LGI3: variants seen among roughly 807,000 people sequenced by gnomAD.
LGI3 encodes leucine rich repeat LGI family member 3.
A neutral mutation model predicts 55.4 loss-of-function variants in LGI3; 47 were observed. That is an observed-to-expected ratio of 0.85 (90% CI 0.67 to 1.08). The LOEUF is 1.08. Ranked by LOEUF, LGI3 falls within the 50% of genes least tolerant of loss-of-function variation. LGI3 has a pLI of 0.00. For synonymous variants in LGI3, 326 were observed against 315.0 expected (o/e 1.04, Z -0.37); for missense variants, 664 against 726.3 (o/e 0.91, Z 0.99).
rs1242067837 is a variant in LGI3, at chr8:22,151,954, A to G, written c.541T>C (p.Leu181=). Residue 181 remains leucine, a synonymous_variant, in exon 6 of 8, where the codon TTG becomes CTG. Coordinates refer to ENST00000306317, the MANE Select transcript of LGI3 (RefSeq NM_139278.4). The part of the protein sequence containing the change: ...SLNCDCKVKW[L]VEWLAHTNTT... ...TTGGTGTGTGCCAGCCACTCCACCA[A>G]CCACTTCACCTTGCAGTCACAGTTG... 1 of 1,612,798 alleles carries G rather than the reference A, an allele frequency of 6.2e-7. No individual in the cohort carries two copies.
rs1827380211 is a variant in LGI3, at chr8:22,151,662, T to C, written c.665-9A>G. ...CTGGTACAACACAAAATCTGCAAGA[T>C]GAGAGGTGCGTTACTGAAGACCAGA... On this transcript the variant is annotated splice_polypyrimidine_tract_variant and intron_variant, in intron 6 of 7. Coordinates refer to ENST00000306317, the MANE Select transcript of LGI3 (RefSeq NM_139278.4). 1 of 1,612,994 alleles carries C rather than the reference T, an allele frequency of 6.2e-7. No homozygotes were observed. The highest frequency in any genetic ancestry group is 8.5e-7 in the Non-Finnish European group (1 of 1,179,372).
At chr8:22,154,710 G>A (rs1379463601) in intron 2 of LGI3, 79 bp from the exon 3 acceptor site, 2 of 1,130,894 alleles carry the variant, frequency 1.8e-6, no homozygotes, top group African/African-American at 3.1e-5. Flanking sequence ...CTCAGCCCTG[G>A]GCTTCCCCAA....
rs1827515395 is a variant in LGI3 at position 22,156,777 on chromosome 8, G to T, written c.-235C>A. ...GGAGCGCGGAGCTGGAGCCGCAGCCGGGGCTGACCGCGCCGGGTGGCTGCG... is the reference window on the plus strand; with the variant it reads ...GGAGCGCGGAGCTGGAGCCGCAGCCTGGGCTGACCGCGCCGGGTGGCTGCG... On this transcript the variant is annotated 5_prime_UTR_variant, in exon 1 of 8. Coordinates refer to ENST00000306317, the MANE Select transcript of LGI3 (RefSeq NM_139278.4). 2 of 170,514 alleles carry T rather than the reference G, an allele frequency of 1.2e-5. No homozygotes were observed. Among genetic ancestry groups the T allele is most frequent in the South Asian group, 1.8e-4 (1 of 5,714 alleles). 10.6% of individuals were successfully genotyped at this position (170,514 alleles called of 1,614,324 possible).
At chr8:22,153,140 A>C (rs995356513) in intron 5 of LGI3, among the ~76,000 whole-genome samples, 1 of 149,194 alleles carries the variant, frequency 6.7e-6, no homozygotes, top group African/African-American at 2.5e-5. Flanking sequence ...GCTGGAGTGC[A>C]ATGGCATGAT....
At chr8:22,152,604 T>C (rs747259448) in intron 5 of LGI3, among the ~76,000 whole-genome samples, 5 of 151,740 alleles carry the variant, frequency 3.3e-5, no homozygotes, top group Non-Finnish European at 5.9e-5. Context: ...TACCCAGGCA[T>C]GGTGGCGCAC....
intron 5 of LGI3, among the ~76,000 whole-genome samples, chr8:22,153,377 A>G (rs1270180831): frequency 1.4e-5 from 2 of 146,314 alleles, no homozygotes; most frequent in South Asian, 2.5e-4. Flanking sequence ...GAGCCACCAC[A>G]CCCAGCCTTT....
In LGI3 at chr8:22,155,447, C is replaced by T. The variant is rs1271907451; in HGVS notation, c.223G>A (p.Ala75Thr). 22 of 1,613,784 alleles carry T rather than the reference C, an allele frequency of 1.4e-5. No individual in the cohort carries two copies. Among genetic ancestry groups the T allele is most frequent in the Non-Finnish European group, 1.9e-5 (22 of 1,179,968 alleles). Reference sequence around the variant, plus strand: ...GCTCCATCCTGGATCTCTGAGAAGGCGGCATTCACCAGGGTCCTGCGGGGA... The same window carrying T: ...GCTCCATCCTGGATCTCTGAGAAGGTGGCATTCACCAGGGTCCTGCGGGGA... ...EVISLTLVNA[A>T]FSEIQDGAFS... The change falls in exon 2 of 8, where the codon GCC becomes ACC. Residue 75 changes from alanine (A) to threonine (T), a missense_variant. Coordinates refer to ENST00000306317, the MANE Select transcript of LGI3 (RefSeq NM_139278.4).
rs566852282 is a variant in LGI3 at position 22,147,885 on chromosome 8, G to C, written c.*275C>G. The C allele has an allele frequency of 2.3e-6, 1 of 441,710 alleles. No homozygotes were observed. Among genetic ancestry groups the C allele is most frequent in the South Asian group, 3.2e-5 (1 of 31,432 alleles). 27.4% of individuals were successfully genotyped at this position (441,710 alleles called of 1,614,324 possible). On this transcript the variant is annotated 3_prime_UTR_variant, in exon 8 of 8. Coordinates refer to ENST00000306317, the MANE Select transcript of LGI3 (RefSeq NM_139278.4). Reference sequence around the variant, plus strand: ...GCATGAGACAGGGGGCAGAGCATGGGAAAGGCTGCAGAGTAGGGGGGGCCT... The same window carrying C: ...GCATGAGACAGGGGGCAGAGCATGGCAAAGGCTGCAGAGTAGGGGGGGCCT...
In LGI3 at chr8:22,148,285, G is replaced by T; in HGVS notation, c.1522C>A (p.Leu508Met). 2 of 1,614,188 alleles carry T rather than the reference G, an allele frequency of 1.2e-6. 1 individual carries two copies. The highest frequency in any genetic ancestry group is 2.2e-5 in the South Asian group (2 of 91,076). Reference protein sequence around the residue: ...GRQKFVRFQELAVQAPRAFCY... With the variant: ...GRQKFVRFQEMAVQAPRAFCY... ...AAGGCCCGAGGAGCCTGCACAGCCA[G>T]CTCCTGGAACCGTACAAACTTCTGT... Residue 508 changes from leucine to methionine, a missense_variant, in exon 8 of 8, where the codon CTG (leucine) becomes ATG (methionine). Coordinates refer to ENST00000306317, the MANE Select transcript of LGI3 (RefSeq NM_139278.4). The surrounding 1 kb of genome is among the most constrained non-coding windows in gnomAD (Gnocchi z 7.0).
intron 2 of LGI3, chr8:22,154,888 C>T: frequency 1.9e-6 from 1 of 524,576 alleles, no homozygotes; most frequent in South Asian, 2.3e-5. Context: ...AGCTCCTGGT[C>T]CTCCCGGGTG....
Position 22,156,643 on chromosome 8 carries a change from C to T in LGI3, c.-101G>A. On this transcript the variant is annotated 5_prime_UTR_variant, in exon 1 of 8. Transcript: ENST00000306317. ...CGGGCTGGCACCTCCCTGCCACCGG[C>T]AGCTGCTACCGCAGCCAGGGGCCCG... 3.2e-6 allele frequency: 1 copy of T among 310,228 alleles called. No individual in the cohort carries two copies. The highest frequency in any genetic ancestry group is 5.5e-6 in the Non-Finnish European group (1 of 180,558). The allele number at this position is 310,228 out of a possible 1,614,324, so 19.2% of individuals were successfully genotyped here.
chr8:22,148,249 G>T lies in LGI3; in HGVS notation c.1558C>A (p.Pro520Thr), dbSNP rs1027221124. Residue 520 changes from proline to threonine, a missense_variant, in exon 8 of 8, where the codon CCT (proline) becomes ACT (threonine). Physicochemically the swap from Pro to Thr is conservative, Grantham distance 38 (BLOSUM62 -1). Transcript: ENST00000306317. The surrounding 1 kb of genome is among the most constrained non-coding windows in gnomAD (Gnocchi z 7.0). Reference protein sequence around the residue: ...VQAPRAFCYMPAGDAQLLLAP... With the variant: ...VQAPRAFCYMTAGDAQLLLAP... ...AGGAGTAGCTGGGCGTCCCCAGCAGGCATGTAGCAGAAGGCCCGAGGAGCC... is the reference window on the plus strand; with the variant it reads ...AGGAGTAGCTGGGCGTCCCCAGCAGTCATGTAGCAGAAGGCCCGAGGAGCC... 1 of 1,614,114 alleles carries T rather than the reference G, an allele frequency of 6.2e-7. No individual in the cohort carries two copies. Among genetic ancestry groups the T allele is most frequent in the African/African-American group, 1.3e-5 (1 of 75,048 alleles).
intron 7 of LGI3, among the ~76,000 whole-genome samples, chr8:22,149,601 G>A (rs1827351935): frequency 6.6e-6 from 1 of 152,138 alleles, no homozygotes; most frequent in African/African-American, 2.4e-5. Flanking sequence ...ATACAAGAAT[G>A]CATGCCCATG....
chr8:22,150,351 A>ATTTTTTTTT (rs61084616), intron 7 of LGI3, among the ~76,000 whole-genome samples: 6 of 72,602 alleles, frequency 8.3e-5, no homozygotes, highest in East Asian at 4.1e-4. Context: ...TAAGCCTTCT[A>ATTTTTTTTT]TTTTTTTTTT....
chr8:22,155,584 T>A, intron 1 of LGI3, 121 bp from the exon 2 acceptor site: 1 of 798,746 alleles, frequency 1.3e-6, no homozygotes. Flanking sequence ...CCATTTCACC[T>A]AATTTAGCCC....
At chr8:22,152,740 CAAAA>C (rs558087211) in intron 5 of LGI3, among the ~76,000 whole-genome samples, 2 of 66,504 alleles carry the variant, frequency 3.0e-5, no homozygotes, top group Non-Finnish European at 3.1e-5. Flanking sequence ...GACTCCGTCT[CAAAA>C]AAAAAAAAAA....
rs756735586 is a variant in LGI3, at chr8:22,155,437, T to C, written c.233A>G (p.Glu78Gly). Residue 78 changes from glutamate to glycine, a missense_variant, in exon 2 of 8, where the codon GAG becomes GGG. Transcript: ENST00000306317. The stretch of plus-strand genomic sequence containing the variant: ...GTGGGAGAACGCTCCATCCTGGATC[T>C]CTGAGAAGGCGGCATTCACCAGGGT... ...SLTLVNAAFS[E>G]IQDGAFSHLP... 1.1e-5 allele frequency: 18 copies of C among 1,613,754 alleles called. No individual in the cohort carries two copies. The highest frequency in any genetic ancestry group is 1.5e-5 in the Non-Finnish European group (18 of 1,179,990).
Position 22,156,791 on chromosome 8 carries a change from C to G in LGI3, c.-249G>C, listed in dbSNP as rs929125786. On this transcript the variant is annotated 5_prime_UTR_variant, in exon 1 of 8. Coordinates refer to ENST00000306317, the MANE Select transcript of LGI3 (RefSeq NM_139278.4). The stretch of plus-strand genomic sequence containing the variant: ...GAGCCGCAGCCGGGGCTGACCGCGC[C>G]GGGTGGCTGCGGACTGCGGCGCGGG... 4.9e-5 allele frequency: 8 copies of G among 164,716 alleles called. No individual in the cohort carries two copies. The highest frequency in any genetic ancestry group is 6.4e-5 in the Admixed American group (1 of 15,550). 10.2% of individuals were successfully genotyped at this position (164,716 alleles called of 1,614,324 possible). A position where few individuals can be genotyped will look rare whatever the true frequency, so the allele number is the denominator to read the frequency against.
At chr8:22,155,774 G>A (rs1827484672) in intron 1 of LGI3, among the ~76,000 whole-genome samples, 1 of 152,246 alleles carries the variant, frequency 6.6e-6, no homozygotes, top group South Asian at 2.1e-4. Context: ...GCTGGGTGCT[G>A]TTGAGAGATG....
Sources: gnomAD v4.1 joint callset for allele counts (sites outside exome capture counted in the v4.1 genomes callset) on GRCh38, gnomAD v4.1.1 for gene constraint, Gnocchi (gnomAD v3.1) non-coding constraint, MANE v1.5 for transcripts, NCBI Gene and HGNC (gene_info 2026-07-23, HGNC 2026-07-21) for gene names.